MYO6: variants seen among roughly 807,000 people sequenced by gnomAD.
MYO6 encodes unconventional myosin-VI.
MYO6 carries 74 observed loss-of-function variants against 178.7 expected under a neutral mutation model. That is an observed-to-expected ratio of 0.41 (90% CI 0.34 to 0.50). The LOEUF (loss-of-function observed/expected upper bound fraction) is 0.50, where lower values mean the gene tolerates loss of function less well. MYO6 is among the 20% of genes least tolerant of loss of function. MYO6 has a pLI of 0.09. For missense variants in MYO6, 1,330 were observed against 1,547.4 expected, an observed-to-expected ratio of 0.86 and a Z score of 2.36; for synonymous variants, 477 against 504.6, an observed-to-expected ratio of 0.95 and a Z score of 0.73.
At chr6:75,887,046 T>G in intron 25 of MYO6, 52 bp downstream of exon 25, 1 of 1,533,932 alleles carries the variant, frequency 6.5e-7, no homozygotes, top group Non-Finnish European at 9.0e-7. Flanking sequence ...TTTAATATAT[T>G]TTGTTATTGG....
At chr6:75,913,956 AG>A in intron 33 of MYO6, 106 bp from the exon 34 acceptor site, 2 of 862,284 alleles carry the variant, frequency 2.3e-6, no homozygotes, top group South Asian at 1.6e-5. Context: ...ATTTACTATT[AG>A]GGACCTTTCT....
intron 29 of MYO6, 140 bp downstream of exon 29, chr6:75,895,400 G>C (rs1779215492): frequency 2.8e-6 from 2 of 717,778 alleles, no homozygotes; most frequent in Non-Finnish European, 4.8e-6. Flanking sequence ...TCTTGTCTAG[G>C]AAAGTTTAAT....
intron 20 of MYO6, among the ~76,000 whole-genome samples, chr6:75,878,845 C>T (rs3798434): frequency 0.23 from 34,774 of 152,140 alleles, 5,179 homozygotes; most frequent in Middle Eastern, 0.39. Flanking sequence ...CCTGGCATCA[C>T]TTATAGCTCA....
At chr6:75,752,282 T>G (rs1452806017) in intron 1 of MYO6, among the ~76,000 whole-genome samples, 1 of 152,210 alleles carries the variant, frequency 6.6e-6, no homozygotes, top group African/African-American at 2.4e-5. Context: ...TCATAGAGTT[T>G]AATTATGATA....
chr6:75,767,681 G>T (rs1778558795), intron 1 of MYO6, among the ~76,000 whole-genome samples: 1 of 151,564 alleles, frequency 6.6e-6, no homozygotes, highest in South Asian at 2.1e-4. Flanking sequence ...ACCACACCCG[G>T]CTAATTTTTG....
At chr6:75,911,136 GTAAT>G (rs1169826284) in intron 32 of MYO6, among the ~76,000 whole-genome samples, 2 of 151,762 alleles carry the variant, frequency 1.3e-5, no homozygotes, top group African/African-American at 2.4e-5. Context: ...AATATTTATA[GTAAT>G]TAATTGTTTA....
At position 75,820,588 on chromosome 6, in the gene MYO6, C is replaced by T. The variant is rs1458883666; in HGVS notation, c.118-2194C>T. ...GTTTCATCATGTTGGCCAGGTTTTT[C>T]TCAAACTCCTGACCTCAGGTGATCC... On this transcript the variant is annotated intron_variant, in intron 2 of 34. Coordinates refer to ENST00000369977, the MANE Select transcript of MYO6 (RefSeq NM_004999.4). Among the ~76,000 whole-genome samples, 4 of 152,120 alleles carry T rather than the reference C, an allele frequency of 2.6e-5. No individual in the cohort carries two copies. The East Asian group carries it at 5.8e-4, about 22-fold the overall frequency.
chr6:75,843,899 T>A (rs1010406509), intron 9 of MYO6, among the ~76,000 whole-genome samples: 1 of 151,962 alleles, frequency 6.6e-6, no homozygotes, highest in Non-Finnish European at 1.5e-5. Context: ...TTTTATAAAA[T>A]TTTTTTTGGT....
chr6:75,869,975 G>A (rs183404261), intron 18 of MYO6, among the ~76,000 whole-genome samples: 2 of 152,022 alleles, frequency 1.3e-5, no homozygotes, highest in Admixed American at 6.6e-5. Context: ...TTTGCTGGGC[G>A]TGGTGGTGGG....
At chr6:75,861,498 T>C (rs1194008689) in intron 15 of MYO6, among the ~76,000 whole-genome samples, 2 of 152,188 alleles carry the variant, frequency 1.3e-5, no homozygotes, top group African/African-American at 4.8e-5. Context: ...ATTCTGTGCA[T>C]TGACAGCATC....
At chr6:75,776,146 T>G (rs1288485104) in intron 1 of MYO6, among the ~76,000 whole-genome samples, 1 of 152,220 alleles carries the variant, frequency 6.6e-6, no homozygotes, top group African/African-American at 2.4e-5. Flanking sequence ...CTTGATTTTA[T>G]TCTTGTGTCT....
chr6:75,791,716 C>T (rs1343976440), intron 1 of MYO6, among the ~76,000 whole-genome samples: 1 of 152,150 alleles, frequency 6.6e-6, no homozygotes, highest in Non-Finnish European at 1.5e-5. Context: ...AAGCATTTGG[C>T]ATGAACAGTT....
chr6:75,851,778 C>G (rs528516094), intron 11 of MYO6, among the ~76,000 whole-genome samples: 67 of 152,140 alleles, frequency 4.4e-4, no homozygotes, highest in African/African-American at 1.6e-3. Flanking sequence ...GCGGTCGAGG[C>G]TGCAGTGAGC....
intron 32 of MYO6, among the ~76,000 whole-genome samples, chr6:75,911,118 AC>A (rs1372774750): frequency 2.6e-5 from 4 of 152,116 alleles, no homozygotes; most frequent in Admixed American, 6.5e-5. Context: ...GTGGCAAATC[AC>A]CTAGTAAATA....
In MYO6 at chr6:75,864,533, C is replaced by T. The variant is rs368954956; in HGVS notation, c.1674+1810C>T. ...TATCCAATCCTATTCCTTAATAGCT[C>T]GCTGGTCTTTGTTATGACCAGCCTA... On this transcript the variant is annotated intron_variant, in intron 16 of 34. Coordinates refer to ENST00000369977, the MANE Select transcript of MYO6 (RefSeq NM_004999.4). Among the ~76,000 whole-genome samples, 5 of 152,240 alleles carry T rather than the reference C, an allele frequency of 3.3e-5. No homozygotes were observed. The East Asian group carries it at 5.8e-4, about 18-fold the overall frequency.
intron 30 of MYO6, among the ~76,000 whole-genome samples, chr6:75,901,531 T>C (rs2149396040): frequency 6.6e-6 from 1 of 152,278 alleles, no homozygotes; most frequent in South Asian, 2.1e-4. Flanking sequence ...TGTTTGTCTG[T>C]TATTGGTGTA....
intron 11 of MYO6, among the ~76,000 whole-genome samples, chr6:75,849,009 G>C (rs1272187611): frequency 1.3e-5 from 2 of 152,092 alleles, no homozygotes; most frequent in African/African-American, 4.8e-5. Context: ...AGATTGAAAA[G>C]AGTATTTAAA....
At chr6:75,861,413 C>G (rs1313632941) in intron 15 of MYO6, among the ~76,000 whole-genome samples, 1 of 152,188 alleles carries the variant, frequency 6.6e-6, no homozygotes, top group Non-Finnish European at 1.5e-5. Flanking sequence ...CTGAGGAAGT[C>G]CATAGTTAGG....
At chr6:75,892,799 C>G in intron 28 of MYO6, 109 bp downstream of exon 28, 3 of 1,143,766 alleles carry the variant, frequency 2.6e-6, no homozygotes, top group South Asian at 3.1e-5. Flanking sequence ...TTCTGAAGGC[C>G]CTGATATATT....
Sources: gnomAD v4.1 joint callset for allele counts (sites outside exome capture counted in the v4.1 genomes callset) on GRCh38, gnomAD v4.1.1 for gene constraint, MANE v1.5 for transcripts, NCBI Gene and HGNC (gene_info 2026-07-23, HGNC 2026-07-21) for gene names.